The following ABTB3 variants were observed in gnomAD, a reference collection of about 807,000 sequenced individuals.
ABTB3 encodes ankyrin repeat- and BTB/POZ domain-containing protein 3.
chr12:107,396,744 TA>T, the ABTB3 span, among the ~76,000 whole-genome samples: 1 of 152,158 alleles, frequency 6.6e-6, no homozygotes, highest in South Asian at 2.1e-4. Context: ...ATAAAAGAAG[TA>T]AAACATTTTA....
the ABTB3 span, among the ~76,000 whole-genome samples, chr12:107,509,424 A>G: frequency 0.37 from 44,284 of 120,646 alleles, 6,682 homozygotes; most frequent in African/African-American, 0.47. Context: ...AGAACATAAA[A>G]ATATTTGTGA....
the ABTB3 span, among the ~76,000 whole-genome samples, chr12:107,571,633 C>T: frequency 3.9e-5 from 6 of 152,250 alleles, no homozygotes; most frequent in Admixed American, 2.0e-4. Context: ...AGGCGTGTTT[C>T]GCGGCAGCCT....
the ABTB3 span, among the ~76,000 whole-genome samples, chr12:107,492,195 A>G: frequency 6.6e-6 from 1 of 152,178 alleles, no homozygotes; most frequent in African/African-American, 2.4e-5. Context: ...ATGAGAACTT[A>G]GATATCTGAG....
At chr12:107,439,857 G>C in the ABTB3 span, among the ~76,000 whole-genome samples, 1 of 152,052 alleles carries the variant, frequency 6.6e-6, no homozygotes, top group South Asian at 2.1e-4. Flanking sequence ...GTTTTGTTTT[G>C]TTTTGTTGCA....
At chr12:107,415,038 G>A in the ABTB3 span, among the ~76,000 whole-genome samples, 1 of 152,026 alleles carries the variant, frequency 6.6e-6, no homozygotes, top group Admixed American at 6.6e-5. Flanking sequence ...ATCCCACGCA[G>A]ACTACACTCC....
chr12:107,523,541 A>G, the ABTB3 span, among the ~76,000 whole-genome samples: 1 of 152,178 alleles, frequency 6.6e-6, no homozygotes, highest in South Asian at 2.1e-4. Flanking sequence ...TTTAATCTCA[A>G]TTGTGACATA....
the ABTB3 span, among the ~76,000 whole-genome samples, chr12:107,397,328 G>A: frequency 1.3e-5 from 2 of 152,202 alleles, no homozygotes; most frequent in Non-Finnish European, 2.9e-5. Flanking sequence ...GTGGAATGGA[G>A]CTCAGACCTG....
At chr12:107,335,901 C>G in the ABTB3 span, among the ~76,000 whole-genome samples, 190 of 152,298 alleles carry the variant, frequency 1.2e-3, 5 homozygotes, top group Non-Finnish European at 1.3e-4. Flanking sequence ...TGGTAATAAA[C>G]TGAACTGGCA....
chr12:107,499,568 T>A, the ABTB3 span, among the ~76,000 whole-genome samples: 11 of 152,210 alleles, frequency 7.2e-5, no homozygotes, highest in African/African-American at 2.7e-4. Context: ...CATTGTTTAA[T>A]TGACTCACAG....
chr12:107,436,616 T>A, the ABTB3 span, among the ~76,000 whole-genome samples: 1 of 152,222 alleles, frequency 6.6e-6, no homozygotes, highest in African/African-American at 2.4e-5. Flanking sequence ...TCCTGCTTGC[T>A]ATAACCTGCC....
chr12:107,388,305 T>C, the ABTB3 span, among the ~76,000 whole-genome samples: 1 of 151,462 alleles, frequency 6.6e-6, no homozygotes, highest in Non-Finnish European at 1.5e-5. Context: ...CTGCCTTCTC[T>C]TTCCTTCTCC....
At chr12:107,345,667 T>A in the ABTB3 span, among the ~76,000 whole-genome samples, 96 of 152,016 alleles carry the variant, frequency 6.3e-4, no homozygotes, top group Non-Finnish European at 1.1e-3. Flanking sequence ...GGGACTGAAT[T>A]CCCCAAAGGA....
At chr12:107,457,707 C>T in the ABTB3 span, among the ~76,000 whole-genome samples, 1 of 152,348 alleles carries the variant, frequency 6.6e-6, no homozygotes, top group South Asian at 2.1e-4. Context: ...ACCCAGGGCC[C>T]TGGAGGCATG....
the ABTB3 span, among the ~76,000 whole-genome samples, chr12:107,640,882 T>G: frequency 6.6e-6 from 1 of 152,202 alleles, no homozygotes; most frequent in African/African-American, 2.4e-5. Context: ...AACTGCCCTT[T>G]CTTCTCATTT....
At chr12:107,458,447 T>C in the ABTB3 span, among the ~76,000 whole-genome samples, 2 of 152,060 alleles carry the variant, frequency 1.3e-5, no homozygotes, top group African/African-American at 4.8e-5. Context: ...CATCGATCCT[T>C]GTTACATGGG....
the ABTB3 span, among the ~76,000 whole-genome samples, chr12:107,583,983 G>T: frequency 1.3e-5 from 2 of 152,144 alleles, no homozygotes; most frequent in Non-Finnish European, 1.5e-5. Context: ...AGAGAAAACT[G>T]AAATATTCAG....
chr12:107,618,146 T>C, the ABTB3 span: 1 of 1,612,806 alleles, frequency 6.2e-7, no homozygotes, highest in Non-Finnish European at 8.5e-7. Flanking sequence ...TCTCTGGGTT[T>C]ATGATTGACA....
chr12:107,532,932 A>G, the ABTB3 span, among the ~76,000 whole-genome samples: 1 of 152,232 alleles, frequency 6.6e-6, no homozygotes, highest in African/African-American at 2.4e-5. Context: ...CAGCAATGCT[A>G]TCTTTTAGAA....
chr12:107,422,823 A>G, the ABTB3 span, among the ~76,000 whole-genome samples: 9,727 of 152,266 alleles, frequency 0.064, 1,014 homozygotes, highest in African/African-American at 0.22. Context: ...TTTCAGGCAT[A>G]GTTGGTTCCA....
Sources: allele counts gnomAD v4.1 joint callset (sites outside exome capture counted in the v4.1 genomes callset), GRCh38; gene constraint gnomAD v4.1.1; transcripts MANE v1.5; gene names NCBI Gene and HGNC (gene_info 2026-07-23, HGNC 2026-07-21).